The following KCTD21 variants were observed in gnomAD, a reference collection of about 807,000 sequenced individuals.
KCTD21 encodes the protein BTB/POZ domain-containing protein KCTD21.
Under a neutral mutation model 13.2 loss-of-function variants are expected in KCTD21, and 9 were observed. The ratio of observed to expected loss-of-function variants is 0.68; its 90% CI spans 0.41 to 1.19. KCTD21 has a LOEUF of 1.19. Ranked by LOEUF, KCTD21 falls within the 50% of genes most tolerant of loss-of-function variation. The probability of loss-of-function intolerance (pLI) is 0.01; values close to 1 mark genes in which losing one functional copy is unlikely to be tolerated. For synonymous variants in KCTD21, 142 were observed against 137.4 expected (o/e 1.03, Z -0.23); for missense variants, 303 against 336.5 (o/e 0.90, Z 0.78).
In KCTD21 at chr11:78,173,803, T is replaced by C; in HGVS notation, c.752A>G (p.Asn251Ser). 4 of 1,614,062 alleles carry C rather than the reference T, an allele frequency of 2.5e-6. No individual in the cohort carries two copies. The highest frequency in any genetic ancestry group is 1.1e-5 in the South Asian group (1 of 91,076). ...SHPHALDFMN[N>S]KIIRLIRYR ...GTACCGTATTAATCGAATAATCTTA[T>C]TGTTCATAAAATCCAGAGCATGTGG... is the stretch of plus-strand genomic sequence containing the variant. The change falls in exon 2 of 2, where the codon AAT becomes AGT. Residue 251 changes from asparagine (N) to serine (S), a missense_variant. Asn to Ser is a conservative substitution (Grantham distance 46). Coordinates refer to ENST00000340067, the MANE Select transcript of KCTD21 (RefSeq NM_001029859.3).
Position 78,174,227 on chromosome 11 carries a change from C to A in KCTD21, c.328G>T (p.Ala110Ser). 6.2e-7 allele frequency: 1 copy of A among 1,614,074 alleles called. No individual in the cohort carries two copies. The highest frequency in any genetic ancestry group is 8.5e-7 in the Non-Finnish European group (1 of 1,180,038). Residue 110 changes from alanine to serine, a missense_variant, in exon 2 of 2, where the codon GCC becomes TCC. Coordinates refer to ENST00000340067, the MANE Select transcript of KCTD21 (RefSeq NM_001029859.3). ...TGGTTCAGTGTGATGTTGAGCATGGCATTCTTCTCGGCCTTGGAGAGCTCC... is the reference window on the plus strand; with the variant it reads ...TGGTTCAGTGTGATGTTGAGCATGGAATTCTTCTCGGCCTTGGAGAGCTCC... ...EVELSKAEKN[A>S]MLNITLNQRV...
chr11:78,188,396 CA>C, intron 1 of KCTD21, 176 bp downstream of exon 1: 1 of 985,668 alleles, frequency 1.0e-6, no homozygotes, highest in East Asian at 1.1e-4. Flanking sequence ...CACTTCGGCT[CA>C]CCTCGCTCCG....
Position 78,188,608 on chromosome 11 carries a change from G to A in KCTD21, c.-65C>T. On this transcript the variant is annotated 5_prime_UTR_variant, in exon 1 of 2. Coordinates refer to ENST00000340067, the MANE Select transcript of KCTD21 (RefSeq NM_001029859.3). ...CGCTCTGCAGCCTCTCCCTCCGCGA[G>A]CGGCCAGCGCAGCTTTGCGAGGGGG... The A allele has an allele frequency of 2.0e-6, 2 of 985,514 alleles. No individual in the cohort carries two copies. Among genetic ancestry groups the A allele is most frequent in the African/African-American group, 1.7e-5 (1 of 57,376 alleles). The allele number at this position is 985,514 out of a possible 1,614,324, so 61.0% of individuals were successfully genotyped here. A position where few individuals can be genotyped will look rare whatever the true frequency, so the allele number is the denominator to read the frequency against.
chr11:78,182,087 T>C (rs948542521), intron 1 of KCTD21, among the ~76,000 whole-genome samples: 1 of 152,250 alleles, frequency 6.6e-6, no homozygotes, highest in African/African-American at 2.4e-5. Flanking sequence ...GGTTGTGTGA[T>C]ACTGTGATAT....
At chr11:78,181,289 T>C (rs1347871120) in intron 1 of KCTD21, among the ~76,000 whole-genome samples, 1 of 152,206 alleles carries the variant, frequency 6.6e-6, no homozygotes, top group East Asian at 1.9e-4. Context: ...AACAGATAAA[T>C]TGCAGTACAT....
chr11:78,184,634 G>A (rs1177060838), intron 1 of KCTD21, among the ~76,000 whole-genome samples: 2 of 152,182 alleles, frequency 1.3e-5, no homozygotes, highest in African/African-American at 4.8e-5. Flanking sequence ...ACCATGCCAA[G>A]GGGCTCTATT....
intron 1 of KCTD21, among the ~76,000 whole-genome samples, chr11:78,180,744 A>T (rs1862591503): frequency 6.6e-6 from 1 of 152,188 alleles, no homozygotes; most frequent in East Asian, 1.9e-4. Flanking sequence ...ACAAATGGTA[A>T]CCGCTGTTGA....
At chr11:78,181,393 A>C (rs1228279795) in intron 1 of KCTD21, among the ~76,000 whole-genome samples, 1 of 152,266 alleles carries the variant, frequency 6.6e-6, no homozygotes, top group African/African-American at 2.4e-5. Flanking sequence ...AAGTGAAAGA[A>C]GCCAGCCTCA....
rs1471317763 is a variant in KCTD21 at position 78,172,641 on chromosome 11, C to T, written c.*1131G>A. The T allele has an allele frequency of 6.6e-6, 1 of 152,142 alleles. No homozygotes were observed. The highest frequency in any genetic ancestry group is 2.4e-5 in the African/African-American group (1 of 41,434). The allele number at this position is 152,142 out of a possible 1,614,324, so 9.4% of individuals were successfully genotyped here. On this transcript the variant is annotated 3_prime_UTR_variant, in exon 2 of 2. Coordinates refer to ENST00000340067, the MANE Select transcript of KCTD21 (RefSeq NM_001029859.3). ...AAAAATGTCTGGTCTCTCAAGGTGA[C>T]TATTTTGAAAGCAAAGATATATAAC...
chr11:78,182,884 C>T (rs1306052755), intron 1 of KCTD21, among the ~76,000 whole-genome samples: 1 of 152,204 alleles, frequency 6.6e-6, no homozygotes, highest in East Asian at 1.9e-4. Context: ...TTTTTTCCTA[C>T]ATTACTGTCC....
At chr11:78,187,433 G>C (rs1479362288) in intron 1 of KCTD21, 5 of 985,146 alleles carry the variant, frequency 5.1e-6, no homozygotes, top group African/African-American at 1.7e-5. Context: ...CTGCGCAAAA[G>C]GCAGGAGGAG....
rs1203743721 is a variant in KCTD21, at chr11:78,172,145, T to C, written c.*1627A>G. 1 of 152,244 alleles carries C rather than the reference T, an allele frequency of 6.6e-6. No homozygotes were observed. Among genetic ancestry groups the C allele is most frequent in the Admixed American group, 6.5e-5 (1 of 15,282 alleles). The allele number at this position is 152,244 out of a possible 1,614,324, so 9.4% of individuals were successfully genotyped here. On this transcript the variant is annotated 3_prime_UTR_variant, in exon 2 of 2. Transcript: ENST00000340067. ...GGGACTCTCAAGGCCAAACTCACTT[T>C]AGGGATGAATCATGACGTGCAGTTT...
intron 1 of KCTD21, 54 bp downstream of exon 1, chr11:78,188,519 C>A: frequency 4.1e-6 from 4 of 985,444 alleles, no homozygotes; most frequent in Non-Finnish European, 4.8e-6. Context: ...AGTGGGCCCA[C>A]GTACCCTCGC....
At chr11:78,177,580 T>A (rs1228227210) in intron 1 of KCTD21, among the ~76,000 whole-genome samples, 1 of 151,760 alleles carries the variant, frequency 6.6e-6, no homozygotes, top group Non-Finnish European at 1.5e-5. Context: ...GTCCAGAATC[T>A]TCTTCCCTGT....
intron 1 of KCTD21, among the ~76,000 whole-genome samples, chr11:78,183,969 A>G (rs1862702203): frequency 6.6e-6 from 1 of 152,184 alleles, no homozygotes; most frequent in Non-Finnish European, 1.5e-5. Context: ...GAACACTAAT[A>G]AACACAGAAG....
In KCTD21 at chr11:78,174,679, G is replaced by A. The variant is rs1047217673; in HGVS notation, c.-29-96C>T. On this transcript the variant is annotated intron_variant, in intron 1 of 1. Coordinates refer to ENST00000340067, the MANE Select transcript of KCTD21 (RefSeq NM_001029859.3). Reference sequence around the variant, plus strand: ...TATTGTACATCAAGCCTATGCCCTTGGGATCGAAATGAATTAATACCTGAT... The same window carrying A: ...TATTGTACATCAAGCCTATGCCCTTAGGATCGAAATGAATTAATACCTGAT... The A allele has an allele frequency of 3.5e-6, 3 of 854,724 alleles. No individual in the cohort carries two copies. In the African/African-American group the frequency reaches 5.1e-5, roughly 15 times the overall value. 52.9% of individuals were successfully genotyped at this position (854,724 alleles called of 1,614,324 possible).
At chr11:78,188,431 A>G (rs1862882481) in intron 1 of KCTD21, 142 bp downstream of exon 1, 1 of 983,660 alleles carries the variant, frequency 1.0e-6, no homozygotes, top group Non-Finnish European at 1.2e-6. Flanking sequence ...CCCCCGCACC[A>G]CAGGCGATGC....
intron 1 of KCTD21, among the ~76,000 whole-genome samples, chr11:78,185,738 C>T (rs773117032): frequency 3.9e-5 from 6 of 152,098 alleles, no homozygotes; most frequent in East Asian, 3.9e-4. Context: ...ATTTCAGGTG[C>T]GTGCCACCAT....
intron 1 of KCTD21, chr11:78,187,344 C>G: frequency 1.0e-6 from 1 of 985,332 alleles, no homozygotes; most frequent in Non-Finnish European, 1.2e-6. Flanking sequence ...CTAAGAAATC[C>G]GAAGGCTGCT....
Sources: allele counts gnomAD v4.1 joint callset (sites outside exome capture counted in the v4.1 genomes callset), GRCh38; gene constraint gnomAD v4.1.1; transcripts MANE v1.5; gene names NCBI Gene and HGNC (gene_info 2026-07-23, HGNC 2026-07-21).